The following TAOK3 variants were observed in gnomAD, a reference collection of about 807,000 sequenced individuals.
TAOK3 encodes TAO kinase 3.
A neutral mutation model predicts 120.4 loss-of-function variants in TAOK3; 40 were observed. That is an observed-to-expected ratio of 0.33 (90% CI 0.26 to 0.43). The LOEUF (loss-of-function observed/expected upper bound fraction) is 0.43, where lower values mean the gene tolerates loss of function less well. Ranked by LOEUF, TAOK3 falls within the 20% of genes least tolerant of loss-of-function variation. The probability of loss-of-function intolerance (pLI) is 1.00; values close to 1 mark genes in which losing one functional copy is unlikely to be tolerated. For missense variants in TAOK3, 821 were observed against 1,112.1 expected (o/e 0.74, Z 3.72); for synonymous variants, 355 against 387.5 (o/e 0.92, Z 0.99).
chr12:118,301,756 C>T (rs1439771917), intron 1 of TAOK3, among the ~76,000 whole-genome samples: 8 of 150,072 alleles, frequency 5.3e-5, no homozygotes, highest in South Asian at 2.1e-4. Flanking sequence ...GCGGGAGGAT[C>T]GCTTGAACCT....
rs1294284423 is a variant in TAOK3, at chr12:118,214,051, G to A, written c.703C>T (p.Gln235Ter). ...GACTGTAACGTTGGGGAGTCATTCT[G>A]GGCAATGTGATATAAGGCACTCATT... ...NAMSALYHIA[Q>*]NDSPTLQSNE... The change falls in exon 10 of 21, where the codon CAG becomes TAG. Residue 235 changes from glutamine to a stop codon, truncating the protein, a stop_gained. Coordinates refer to ENST00000392533, the MANE Select transcript of TAOK3 (RefSeq NM_016281.4). LOFTEE classifies it high-confidence loss of function. 6.2e-7 allele frequency: 1 copy of A among 1,610,486 alleles called. No homozygotes were observed.
chr12:118,246,398 G>C (rs1339812511), intron 3 of TAOK3: 7 of 1,554,470 alleles, frequency 4.5e-6, no homozygotes, highest in Non-Finnish European at 6.1e-6. Context: ...TCAAGGATGA[G>C]GTTTTGAAGA....
intron 1 of TAOK3, among the ~76,000 whole-genome samples, chr12:118,367,566 A>C (rs1161257627): frequency 6.6e-6 from 1 of 152,198 alleles, no homozygotes; most frequent in Non-Finnish European, 1.5e-5. Context: ...AAACAGTAAA[A>C]AAACTTTTAA....
chr12:118,262,338 C>T (rs910449434), intron 2 of TAOK3, among the ~76,000 whole-genome samples: 8 of 151,688 alleles, frequency 5.3e-5, no homozygotes, highest in African/African-American at 1.9e-4. Context: ...AAATAATTAG[C>T]CGGGCGTGGT....
chr12:118,222,592 C>T (rs1010395073), intron 9 of TAOK3, among the ~76,000 whole-genome samples: 4 of 151,276 alleles, frequency 2.6e-5, no homozygotes, highest in Non-Finnish European at 5.9e-5. Flanking sequence ...ACTACTCAGA[C>T]AGAAAAAGTA....
At chr12:118,283,328 G>C (rs1238785126) in intron 1 of TAOK3, among the ~76,000 whole-genome samples, 1 of 152,190 alleles carries the variant, frequency 6.6e-6, no homozygotes, top group Non-Finnish European at 1.5e-5. Context: ...CAAGTACTAT[G>C]AAAGTTCAAA....
intron 1 of TAOK3, among the ~76,000 whole-genome samples, chr12:118,340,129 G>A (rs2044552630): frequency 6.6e-6 from 1 of 152,090 alleles, no homozygotes; most frequent in Non-Finnish European, 1.5e-5. Flanking sequence ...TAAACCATAT[G>A]CCTGAAATAT....
chr12:118,329,051 C>A (rs903073283), intron 1 of TAOK3, among the ~76,000 whole-genome samples: 1 of 151,978 alleles, frequency 6.6e-6, no homozygotes, highest in African/African-American at 2.4e-5. Context: ...ATGTAGCACA[C>A]TTAAAGGGTA....
rs946150039 is a variant in TAOK3 at position 118,354,389 on chromosome 12, G to C, written c.-194+18259C>G. ...CTACAGTGTGGATAGGCTGGATAAA[G>C]GGATAATTCATTTCCCTGGCTAGAA... is the stretch of plus-strand genomic sequence containing the variant. On this transcript the variant is annotated intron_variant, in intron 1 of 20. Coordinates refer to ENST00000392533, the MANE Select transcript of TAOK3 (RefSeq NM_016281.4). Among the ~76,000 whole-genome samples, 3 of 152,254 alleles carry C rather than the reference G, an allele frequency of 2.0e-5. No homozygotes were observed. The Middle Eastern group carries it at 0.01, about 518-fold the overall frequency.
chr12:118,225,866 TA>T (rs1277427063), intron 9 of TAOK3, among the ~76,000 whole-genome samples: 1 of 152,242 alleles, frequency 6.6e-6, no homozygotes, highest in East Asian at 1.9e-4. Context: ...TTTTTTGTTG[TA>T]GGAACATTTA....
intron 1 of TAOK3, among the ~76,000 whole-genome samples, chr12:118,316,352 T>C (rs2043456737): frequency 6.6e-6 from 1 of 152,204 alleles, no homozygotes; most frequent in Admixed American, 6.5e-5. Flanking sequence ...TCATTTGGCA[T>C]ACATTATTTT....
At chr12:118,235,010 C>G in intron 8 of TAOK3, among the ~76,000 whole-genome samples, 1 of 152,186 alleles carries the variant, frequency 6.6e-6, no homozygotes, top group East Asian at 1.9e-4. Context: ...AGTAATTTTG[C>G]AGAGATCTAA....
chr12:118,203,704 C>CAAAA (rs35135077), intron 11 of TAOK3, among the ~76,000 whole-genome samples: 1 of 127,130 alleles, frequency 7.9e-6, no homozygotes, highest in Non-Finnish European at 1.6e-5. Context: ...AACTCCATCT[C>CAAAA]AAAAAAAAAA....
intron 1 of TAOK3, among the ~76,000 whole-genome samples, chr12:118,334,399 T>C (rs538450993): frequency 1.3e-5 from 2 of 152,290 alleles, no homozygotes; most frequent in Admixed American, 6.5e-5. Context: ...ACTCAACTTA[T>C]ATAAGCTATC....
intron 1 of TAOK3, among the ~76,000 whole-genome samples, chr12:118,358,313 T>TA: frequency 6.6e-6 from 1 of 152,330 alleles, no homozygotes; most frequent in Admixed American, 6.5e-5. Context: ...TAAATTGATT[T>TA]AAAAAGTTAC....
intron 1 of TAOK3, among the ~76,000 whole-genome samples, chr12:118,283,034 T>C (rs2042149568): frequency 6.6e-6 from 1 of 152,100 alleles, no homozygotes; most frequent in South Asian, 2.1e-4. Flanking sequence ...GGATTTAGAG[T>C]GTTCCAGTTT....
chr12:118,252,834 C>T (rs1296529276), intron 3 of TAOK3, among the ~76,000 whole-genome samples: 2 of 151,942 alleles, frequency 1.3e-5, no homozygotes, highest in Admixed American at 1.3e-4. Context: ...ATTCTCCTGC[C>T]TCAGCCTCCC....
chr12:118,221,972 G>A (rs1489234154), intron 9 of TAOK3, among the ~76,000 whole-genome samples: 2 of 151,866 alleles, frequency 1.3e-5, no homozygotes, highest in African/African-American at 4.8e-5. Flanking sequence ...AAAGGTAGAA[G>A]CATACAAACG....
At chr12:118,368,847 AG>A (rs1365678271) in intron 1 of TAOK3, among the ~76,000 whole-genome samples, 2 of 150,254 alleles carry the variant, frequency 1.3e-5, no homozygotes, top group African/African-American at 2.4e-5. Flanking sequence ...AAAAAAAAAA[AG>A]AAAATAAAAA....
Sources: allele counts gnomAD v4.1 joint callset (sites outside exome capture counted in the v4.1 genomes callset), GRCh38; gene constraint gnomAD v4.1.1; transcripts MANE v1.5; gene names NCBI Gene and HGNC (gene_info 2026-07-23, HGNC 2026-07-21).